Variants in CHRM5 observed in about 807,000 individuals in gnomAD.
CHRM5 encodes the protein cholinergic receptor muscarinic 5.
A neutral mutation model predicts 39.0 loss-of-function variants in CHRM5; 18 were observed. That is an observed-to-expected ratio of 0.46 (90% CI 0.32 to 0.68). CHRM5 has a LOEUF of 0.68. Ranked by LOEUF, CHRM5 falls within the 30% of genes least tolerant of loss-of-function variation. The pLI is 0.04. For synonymous variants in CHRM5, 241 were observed against 246.3 expected (o/e 0.98, Z 0.20); for missense variants, 515 against 651.1 (o/e 0.79, Z 2.28).
At chr15:34,015,184 A>T (rs181682582) in intron 1 of CHRM5, among the ~76,000 whole-genome samples, 104 of 152,304 alleles carry the variant, frequency 6.8e-4, no homozygotes, top group African/African-American at 1.9e-3. Context: ...AGCACTTTTT[A>T]AAAAATTCCA....
At position 34,067,167 on chromosome 15, in the gene CHRM5, C is replaced by T. The variant is rs2140853454; in HGVS notation, c.*2851C>T. ...TTTGCTATCATTGTAATTTGTTTCCCCTTGGCTGTGAATTTGATGACTTGT... is the reference window on the plus strand; with the variant it reads ...TTTGCTATCATTGTAATTTGTTTCCTCTTGGCTGTGAATTTGATGACTTGT... On this transcript the variant is annotated 3_prime_UTR_variant, in exon 3 of 3. Transcript: ENST00000383263. 6.6e-6 allele frequency: 1 copy of T among 152,300 alleles called. No individual in the cohort carries two copies. Among genetic ancestry groups the T allele is most frequent in the Admixed American group, 6.5e-5 (1 of 15,296 alleles). The allele number at this position is 152,300 out of a possible 1,614,324, so 9.4% of individuals were successfully genotyped here.
intron 1 of CHRM5, among the ~76,000 whole-genome samples, chr15:34,019,807 C>T (rs930765985): frequency 6.6e-6 from 1 of 152,088 alleles, no homozygotes; most frequent in African/African-American, 2.4e-5. Flanking sequence ...ATGTAAGTAC[C>T]CTCTATGGTA....
intron 1 of CHRM5, among the ~76,000 whole-genome samples, chr15:34,037,287 C>G (rs140472431): frequency 1.3e-5 from 2 of 151,930 alleles, no homozygotes; most frequent in African/African-American, 4.8e-5. Context: ...TCTTAAAGCA[C>G]GATCCCTGCA....
intron 1 of CHRM5, among the ~76,000 whole-genome samples, chr15:34,030,501 T>A (rs535421675): frequency 1.3e-4 from 20 of 152,022 alleles, no homozygotes; most frequent in South Asian, 4.2e-4. Flanking sequence ...GCCTGCCACC[T>A]CGCCCGGCTA....
chr15:34,038,185 TA>T (rs1172844818), intron 1 of CHRM5, among the ~76,000 whole-genome samples: 1 of 152,162 alleles, frequency 6.6e-6, no homozygotes, highest in East Asian at 1.9e-4. Context: ...ACAGGCATAA[TA>T]AAAGAGAACT....
intron 1 of CHRM5, among the ~76,000 whole-genome samples, chr15:33,988,277 G>T (rs965680883): frequency 6.6e-6 from 1 of 152,064 alleles, no homozygotes; most frequent in Non-Finnish European, 1.5e-5. Flanking sequence ...AATATATTTC[G>T]ATTTTAATGA....
intron 1 of CHRM5, among the ~76,000 whole-genome samples, chr15:34,026,888 A>G (rs1898496794): frequency 6.6e-6 from 1 of 152,192 alleles, no homozygotes; most frequent in Non-Finnish European, 1.5e-5. Flanking sequence ...TCCAAAGACT[A>G]GAACTGTGGC....
intron 1 of CHRM5, chr15:34,038,654 A>AGGCGCCGGCGCCGGC (rs1306899235): frequency 2.3e-6 from 2 of 854,276 alleles, no homozygotes; most frequent in Non-Finnish European, 2.9e-6. Context: ...CGTCCCGCGC[A>AGGCGCCGGCGCCGGC]GGCGCCGGCG....
intron 1 of CHRM5, among the ~76,000 whole-genome samples, chr15:33,980,181 A>G (rs1008965372): frequency 6.6e-6 from 1 of 152,270 alleles, no homozygotes; most frequent in Non-Finnish European, 1.5e-5. Context: ...AGCTGAAGAC[A>G]CATTAAAGTA....
chr15:34,059,696 G>A (rs57205845), intron 2 of CHRM5, among the ~76,000 whole-genome samples: 1 of 151,940 alleles, frequency 6.6e-6, no homozygotes, highest in Non-Finnish European at 1.5e-5. Context: ...TCTGGCACTA[G>A]CATCCCCAGC....
chr15:34,056,856 C>T (rs1442601496), intron 2 of CHRM5, among the ~76,000 whole-genome samples: 1 of 152,086 alleles, frequency 6.6e-6, no homozygotes, highest in Non-Finnish European at 1.5e-5. Flanking sequence ...CATAGCGAGA[C>T]CCTATCTCAA....
rs55644009 is a variant in CHRM5 at position 34,031,678 on chromosome 15, T to C, written c.-407-14862T>C. Among the ~76,000 whole-genome samples, 592 of 152,334 alleles carry C rather than the reference T, an allele frequency of 3.9e-3. 2 individuals are homozygous for C. Among genetic ancestry groups the C allele is most frequent in the Non-Finnish European group, 7.2e-3 (487 of 68,030 alleles). On this transcript the variant is annotated intron_variant, in intron 1 of 2. Transcript: ENST00000383263. ...GTGCTGTTTGCACACACACCAATGA[T>C]GTGATATGGGCGGTAGGAAACAGCA...
intron 1 of CHRM5, chr15:33,991,225 G>A (rs372417640): frequency 6.6e-6 from 1 of 152,158 alleles, no homozygotes; most frequent in Non-Finnish European, 1.5e-5. Context: ...AAAGTTTATA[G>A]AGACCCTGGC....
At chr15:34,019,716 A>C (rs1898119300) in intron 1 of CHRM5, among the ~76,000 whole-genome samples, 1 of 152,228 alleles carries the variant, frequency 6.6e-6, no homozygotes, top group Non-Finnish European at 1.5e-5. Flanking sequence ...GTACCGTAAC[A>C]TGCTGTACAG....
At chr15:34,014,076 CA>C (rs1414425870) in intron 1 of CHRM5, among the ~76,000 whole-genome samples, 1 of 152,116 alleles carries the variant, frequency 6.6e-6, no homozygotes, top group Non-Finnish European at 1.5e-5. Context: ...AAGAAAAACA[CA>C]TTTAGCTGGG....
chr15:34,007,837 C>T (rs997553440), intron 1 of CHRM5, among the ~76,000 whole-genome samples: 1 of 152,112 alleles, frequency 6.6e-6, no homozygotes, highest in Non-Finnish European at 1.5e-5. Flanking sequence ...ATTCCATGAC[C>T]TTCTCCAGCT....
intron 1 of CHRM5, chr15:33,972,336 A>C (rs1443025398): frequency 6.6e-6 from 1 of 152,084 alleles, no homozygotes; most frequent in Non-Finnish European, 1.5e-5. Flanking sequence ...AAAAATTACC[A>C]AAACACCCAA....
intron 1 of CHRM5, among the ~76,000 whole-genome samples, chr15:33,979,194 G>A (rs1896025865): frequency 6.6e-6 from 1 of 152,124 alleles, no homozygotes; most frequent in African/African-American, 2.4e-5. Flanking sequence ...AATAAAAATT[G>A]GAATTTAAAT....
chr15:34,018,664 G>A (rs889952537), intron 1 of CHRM5, among the ~76,000 whole-genome samples: 2 of 152,208 alleles, frequency 1.3e-5, no homozygotes, highest in Non-Finnish European at 2.9e-5. Context: ...TCCACAGAAT[G>A]GAAAGGGACT....
Sources: allele counts gnomAD v4.1 joint callset (sites outside exome capture counted in the v4.1 genomes callset), GRCh38; gene constraint gnomAD v4.1.1; transcripts MANE v1.5; gene names NCBI Gene and HGNC (gene_info 2026-07-23, HGNC 2026-07-21).